Variants in TMEM108 observed in about 807,000 individuals in gnomAD.
TMEM108 encodes the protein cancer/testis antigen 124.
TMEM108 carries 12 observed loss-of-function variants against 35.1 expected under a neutral mutation model. That is an observed-to-expected ratio of 0.34 (90% CI 0.22 to 0.55). The LOEUF (loss-of-function observed/expected upper bound fraction) is 0.55, where lower values mean the gene tolerates loss of function less well. TMEM108 is among the 20% of genes least tolerant of loss of function. TMEM108 has a pLI of 0.89. For synonymous variants in TMEM108, 287 were observed against 308.6 expected (o/e 0.93, Z 0.73); for missense variants, 680 against 753.3 (o/e 0.90, Z 1.14).
intron 3 of TMEM108, among the ~76,000 whole-genome samples, chr3:133,340,622 C>T (rs865809889): frequency 6.6e-6 from 1 of 150,710 alleles, no homozygotes. Flanking sequence ...AAAAAACAAA[C>T]AAAAAAACTA....
chr3:133,125,955 C>A (rs1944410269), intron 2 of TMEM108, among the ~76,000 whole-genome samples: 1 of 152,166 alleles, frequency 6.6e-6, no homozygotes, highest in East Asian at 1.9e-4. Flanking sequence ...TGATCTGGAA[C>A]ACCAATGTCA....
At chr3:133,192,627 A>T (rs1196558218) in intron 2 of TMEM108, 1 of 152,564 alleles carries the variant, frequency 6.6e-6, no homozygotes, top group African/African-American at 2.4e-5. Flanking sequence ...GAATTACAGC[A>T]GGAAGGGGTT....
At chr3:133,168,428 G>C (rs182970686) in intron 2 of TMEM108, among the ~76,000 whole-genome samples, 112 of 152,236 alleles carry the variant, frequency 7.4e-4, no homozygotes, top group African/African-American at 2.4e-3. Context: ...AGGGAGGCGA[G>C]GGGGATTGAA....
chr3:133,043,774 T>C (rs919725884), intron 1 of TMEM108, among the ~76,000 whole-genome samples: 1 of 151,564 alleles, frequency 6.6e-6, no homozygotes, highest in African/African-American at 2.4e-5. Context: ...TGCTAGGAAT[T>C]AAAAAAAAAT....
chr3:133,249,287 G>T (rs1187036355), intron 3 of TMEM108, among the ~76,000 whole-genome samples: 3 of 152,158 alleles, frequency 2.0e-5, no homozygotes, highest in Non-Finnish European at 4.4e-5. Context: ...AAATAAAGAC[G>T]GAAAACTATT....
At chr3:133,218,747 T>C (rs908379564) in intron 2 of TMEM108, among the ~76,000 whole-genome samples, 1 of 152,116 alleles carries the variant, frequency 6.6e-6, no homozygotes, top group African/African-American at 2.4e-5. Flanking sequence ...TCTTGGTGAA[T>C]AATCCTTTTG....
At chr3:133,269,940 ATC>A (rs2107681161) in intron 3 of TMEM108, among the ~76,000 whole-genome samples, 1 of 152,340 alleles carries the variant, frequency 6.6e-6, no homozygotes, top group East Asian at 1.9e-4. Context: ...TAAAAATAAG[ATC>A]TACTTCCTCC....
At chr3:133,388,434 C>A in intron 4 of TMEM108, 1 of 985,444 alleles carries the variant, frequency 1.0e-6, no homozygotes, top group South Asian at 4.7e-5. Flanking sequence ...ACCACAGCCC[C>A]CTCCTTGCCC....
chr3:133,117,771 G>A (rs1944305475), intron 2 of TMEM108, among the ~76,000 whole-genome samples: 1 of 152,106 alleles, frequency 6.6e-6, no homozygotes. Flanking sequence ...GGTGCACCGG[G>A]TTTGGAAAAA....
chr3:133,304,913 C>T (rs1348835474), intron 3 of TMEM108, among the ~76,000 whole-genome samples: 8 of 151,978 alleles, frequency 5.3e-5, no homozygotes, highest in Non-Finnish European at 4.4e-5. Flanking sequence ...GAAACCTTCT[C>T]TCTACTAAAA....
At chr3:133,323,719 G>A (rs1220906924) in intron 3 of TMEM108, among the ~76,000 whole-genome samples, 1 of 152,062 alleles carries the variant, frequency 6.6e-6, no homozygotes, top group Non-Finnish European at 1.5e-5. Context: ...CATAGCCAAA[G>A]CAATACTAAG....
intron 3 of TMEM108, among the ~76,000 whole-genome samples, chr3:133,352,559 G>A (rs906035811): frequency 1.3e-5 from 2 of 152,224 alleles, no homozygotes; most frequent in South Asian, 2.1e-4. Context: ...CAGTAAATCA[G>A]AGGTTCCCAC....
intron 2 of TMEM108, among the ~76,000 whole-genome samples, chr3:133,203,498 C>T (rs915329483): frequency 5.3e-5 from 8 of 152,060 alleles, no homozygotes; most frequent in Non-Finnish European, 7.3e-5. Context: ...GAGTTTTTAG[C>T]GTGAATGCGT....
intron 2 of TMEM108, among the ~76,000 whole-genome samples, chr3:133,085,168 A>G (rs187733353): frequency 3.9e-5 from 6 of 152,336 alleles, no homozygotes; most frequent in African/African-American, 1.4e-4. Context: ...TTTAGAGAAT[A>G]CAGCCTGTTC....
At chr3:133,055,500 C>T (rs1256426086) in intron 2 of TMEM108, among the ~76,000 whole-genome samples, 1 of 152,168 alleles carries the variant, frequency 6.6e-6, no homozygotes, top group Non-Finnish European at 1.5e-5. Context: ...CCCATCCTGC[C>T]ATAGGCTACT....
intron 3 of TMEM108, among the ~76,000 whole-genome samples, chr3:133,319,047 C>T (rs1410040945): frequency 6.6e-6 from 1 of 152,120 alleles, no homozygotes; most frequent in Admixed American, 6.6e-5. Flanking sequence ...TCACCAAATG[C>T]ATGGGAGCTG....
At chr3:133,359,883 A>C (rs929285372) in intron 3 of TMEM108, among the ~76,000 whole-genome samples, 6 of 152,152 alleles carry the variant, frequency 3.9e-5, no homozygotes, top group African/African-American at 1.4e-4. Flanking sequence ...AAGAACTTGT[A>C]AACAAGTGTT....
intron 5 of TMEM108, among the ~76,000 whole-genome samples, chr3:133,392,010 G>C (rs2073241363): frequency 6.6e-6 from 1 of 152,150 alleles, no homozygotes; most frequent in Non-Finnish European, 1.5e-5. Context: ...GTGCAGCACT[G>C]GCACTGTCAC....
At chr3:133,271,090 C>T (rs1406794767) in intron 3 of TMEM108, among the ~76,000 whole-genome samples, 1 of 152,190 alleles carries the variant, frequency 6.6e-6, no homozygotes, top group East Asian at 1.9e-4. Context: ...AATCCACAAA[C>T]TCTACCCCAA....
Sources: allele counts gnomAD v4.1 joint callset (sites outside exome capture counted in the v4.1 genomes callset), GRCh38; gene constraint gnomAD v4.1.1; transcripts MANE v1.5; gene names NCBI Gene and HGNC (gene_info 2026-07-23, HGNC 2026-07-21).